Variants in RNGTT observed in about 807,000 individuals in gnomAD.
RNGTT encodes mRNA-capping enzyme.
RNGTT carries 33 observed loss-of-function variants against 79.3 expected under a neutral mutation model. The ratio of observed to expected loss-of-function variants is 0.42; its 90% CI spans 0.32 to 0.56. RNGTT has a LOEUF of 0.56. RNGTT is among the 20% of genes least tolerant of loss of function. The pLI is 0.17. For synonymous variants in RNGTT, 222 were observed against 235.9 expected, an observed-to-expected ratio of 0.94 and a Z score of 0.54; for missense variants, 497 against 739.1, an observed-to-expected ratio of 0.67 and a Z score of 3.80.
intron 13 of RNGTT, among the ~76,000 whole-genome samples, chr6:88,731,111 A>G (rs1777099595): frequency 6.6e-6 from 1 of 152,158 alleles, no homozygotes; most frequent in Admixed American, 6.5e-5. Context: ...TACAACACAG[A>G]GACTCTATTT....
chr6:88,807,764 A>G (rs910796562), intron 11 of RNGTT, among the ~76,000 whole-genome samples: 25 of 150,260 alleles, frequency 1.7e-4, no homozygotes, highest in African/African-American at 6.1e-4. Context: ...AAGAAAAACA[A>G]AAAAAAAAAT....
At chr6:88,792,153 C>A (rs1247502537) in intron 12 of RNGTT, among the ~76,000 whole-genome samples, 1 of 152,132 alleles carries the variant, frequency 6.6e-6, no homozygotes, top group Non-Finnish European at 1.5e-5. Context: ...AGACTTTCTC[C>A]TTATAATCTG....
At chr6:88,633,525 G>A (rs2127770330) in intron 14 of RNGTT, among the ~76,000 whole-genome samples, 1 of 152,224 alleles carries the variant, frequency 6.6e-6, no homozygotes, top group South Asian at 2.1e-4. Flanking sequence ...CCACATCTTG[G>A]AAAGATGGTA....
intron 4 of RNGTT, among the ~76,000 whole-genome samples, chr6:88,917,922 A>T (rs901870677): frequency 6.6e-6 from 1 of 152,284 alleles, no homozygotes; most frequent in Admixed American, 6.5e-5. Flanking sequence ...GATGGGCTTC[A>T]AAGAACAAAA....
chr6:88,662,624 A>AT (rs1413241669), intron 14 of RNGTT, among the ~76,000 whole-genome samples: 1 of 152,196 alleles, frequency 6.6e-6, no homozygotes, highest in Non-Finnish European at 1.5e-5. Context: ...AAGCGAGGTG[A>AT]TTAGTGGACA....
intron 13 of RNGTT, among the ~76,000 whole-genome samples, chr6:88,733,179 G>T (rs1199881278): frequency 6.6e-6 from 1 of 152,016 alleles, no homozygotes; most frequent in Non-Finnish European, 1.5e-5. Context: ...TGGGCAACAT[G>T]GCAAAACCCC....
At chr6:88,641,932 T>TG (rs1316245359) in intron 14 of RNGTT, among the ~76,000 whole-genome samples, 5 of 152,124 alleles carry the variant, frequency 3.3e-5, no homozygotes, top group African/African-American at 9.7e-5. Context: ...AAATAAAAAG[T>TG]AAGTCTGTAG....
intron 13 of RNGTT, among the ~76,000 whole-genome samples, chr6:88,713,050 A>G (rs981809519): frequency 6.6e-6 from 1 of 152,138 alleles, no homozygotes; most frequent in African/African-American, 2.4e-5. Context: ...AAAAGAAACT[A>G]TATCTATATG....
chr6:88,838,828 T>A (rs1781167944), intron 11 of RNGTT, among the ~76,000 whole-genome samples: 1 of 152,010 alleles, frequency 6.6e-6, no homozygotes, highest in African/African-American at 2.4e-5. Flanking sequence ...ACAACAAAGT[T>A]GGAACATTAA....
chr6:88,757,126 T>A (rs1192512766), intron 13 of RNGTT, among the ~76,000 whole-genome samples: 2 of 152,124 alleles, frequency 1.3e-5, no homozygotes, highest in African/African-American at 4.8e-5. Context: ...CAGTTACTGG[T>A]CCCTGAGGAT....
intron 8 of RNGTT, among the ~76,000 whole-genome samples, chr6:88,886,716 T>C (rs1275201319): frequency 1.3e-5 from 2 of 152,210 alleles, no homozygotes; most frequent in Non-Finnish European, 2.9e-5. Context: ...CAATTAATTC[T>C]TCCATCAAAC....
chr6:88,623,916 A>C (rs1772531171), intron 14 of RNGTT, among the ~76,000 whole-genome samples: 1 of 152,042 alleles, frequency 6.6e-6, no homozygotes, highest in African/African-American at 2.4e-5. Flanking sequence ...AGACTATAAG[A>C]ATACTAAAAC....
chr6:88,646,993 C>T (rs1773588998), intron 14 of RNGTT, among the ~76,000 whole-genome samples: 1 of 152,090 alleles, frequency 6.6e-6, no homozygotes, highest in Non-Finnish European at 1.5e-5. Flanking sequence ...GCACGTTGTG[C>T]ACATGTACCC....
At chr6:88,862,341 C>T (rs915362991) in intron 8 of RNGTT, among the ~76,000 whole-genome samples, 4 of 152,090 alleles carry the variant, frequency 2.6e-5, no homozygotes, top group Admixed American at 6.5e-5. Context: ...CTCCCTCACG[C>T]CTACATAATG....
chr6:88,760,214 A>G (rs1778164708), intron 13 of RNGTT, among the ~76,000 whole-genome samples: 1 of 152,170 alleles, frequency 6.6e-6, no homozygotes, highest in African/African-American at 2.4e-5. Context: ...ACTTGTAGAC[A>G]CTTTGATTAT....
At chr6:88,939,670 G>A (rs1264314602) in intron 2 of RNGTT, among the ~76,000 whole-genome samples, 2 of 151,910 alleles carry the variant, frequency 1.3e-5, no homozygotes, top group Admixed American at 1.3e-4. Context: ...GCTGCTGAAG[G>A]ATTATTGTGT....
At chr6:88,775,744 T>C (rs1778854909) in intron 12 of RNGTT, among the ~76,000 whole-genome samples, 1 of 152,226 alleles carries the variant, frequency 6.6e-6, no homozygotes, top group Admixed American at 6.5e-5. Flanking sequence ...GCATTCTGTT[T>C]CTGTGTACTC....
chr6:88,874,036 C>T (rs1782436957), intron 8 of RNGTT, among the ~76,000 whole-genome samples: 1 of 152,042 alleles, frequency 6.6e-6, no homozygotes, highest in Non-Finnish European at 1.5e-5. Flanking sequence ...ATATAAGAAG[C>T]CTCTCTTGGT....
At chr6:88,784,111 T>C (rs1402231139) in intron 12 of RNGTT, among the ~76,000 whole-genome samples, 1 of 152,086 alleles carries the variant, frequency 6.6e-6, no homozygotes, top group African/African-American at 2.4e-5. Flanking sequence ...AAAAACAAAT[T>C]TCCCAGGGGA....
Sources: allele counts gnomAD v4.1 joint callset (sites outside exome capture counted in the v4.1 genomes callset), GRCh38; gene constraint gnomAD v4.1.1; transcripts MANE v1.5; gene names NCBI Gene and HGNC (gene_info 2026-07-23, HGNC 2026-07-21).